The following GSTCD variants were observed in gnomAD, a reference collection of about 807,000 sequenced individuals.
The protein encoded by GSTCD is glutathione S-transferase C-terminal domain-containing protein.
GSTCD carries 44 observed loss-of-function variants against 68.3 expected under a neutral mutation model. The ratio of observed to expected loss-of-function variants is 0.64; its 90% CI spans 0.51 to 0.83. The LOEUF (loss-of-function observed/expected upper bound fraction) is 0.83. GSTCD is among the 40% of genes least tolerant of loss of function. The pLI is 0.00. For synonymous variants in GSTCD, 273 were observed against 255.2 expected (o/e 1.07, Z -0.67); for missense variants, 739 against 735.9 (o/e 1.00, Z -0.05).
At chr4:105,796,147 A>G (rs1735876701) in intron 5 of GSTCD, among the ~76,000 whole-genome samples, 1 of 152,230 alleles carries the variant, frequency 6.6e-6, no homozygotes, top group African/African-American at 2.4e-5. Context: ...GCCTCACAAT[A>G]ATGACGAAAG....
intron 5 of GSTCD, among the ~76,000 whole-genome samples, chr4:105,775,713 C>A (rs948833392): frequency 3.3e-5 from 5 of 152,190 alleles, no homozygotes; most frequent in Non-Finnish European, 5.9e-5. Flanking sequence ...CTGTTCCTTC[C>A]TCTGGAAGCT....
At chr4:105,733,325 G>T (rs527822802) in intron 5 of GSTCD, among the ~76,000 whole-genome samples, 1 of 152,292 alleles carries the variant, frequency 6.6e-6, no homozygotes, top group Non-Finnish European at 1.5e-5. Flanking sequence ...GGGAGTCTAA[G>T]TCTCTTTGTA....
chr4:105,722,710 A>G (rs1310031373), intron 3 of GSTCD, among the ~76,000 whole-genome samples: 1 of 151,394 alleles, frequency 6.6e-6, no homozygotes, highest in Non-Finnish European at 1.5e-5. Context: ...AGTTACTAAA[A>G]TTTTATTTTT....
chr4:105,746,230 G>A (rs1225031396), intron 5 of GSTCD: 1 of 152,126 alleles, frequency 6.6e-6, no homozygotes, highest in African/African-American at 2.4e-5. Flanking sequence ...TTGAGAAAAG[G>A]TGATAAAAAT....
chr4:105,751,440 T>A (rs1734006988), intron 5 of GSTCD, among the ~76,000 whole-genome samples: 1 of 152,170 alleles, frequency 6.6e-6, no homozygotes, highest in African/African-American at 2.4e-5. Context: ...GAATATATTT[T>A]CTTTGTAATT....
At chr4:105,760,887 G>A in intron 5 of GSTCD, 1 of 238,896 alleles carries the variant, frequency 4.2e-6, no homozygotes, top group Non-Finnish European at 8.1e-6. Context: ...TTAAGTGGGA[G>A]GTGTTATGGG....
intron 5 of GSTCD, among the ~76,000 whole-genome samples, chr4:105,781,673 T>C (rs1245097349): frequency 6.6e-6 from 1 of 152,066 alleles, no homozygotes. Context: ...CATCTATTGC[T>C]AAGGGAAGGA....
intron 5 of GSTCD, among the ~76,000 whole-genome samples, chr4:105,745,534 A>T (rs1733771468): frequency 6.6e-6 from 1 of 152,208 alleles, no homozygotes; most frequent in African/African-American, 2.4e-5. Flanking sequence ...TTTGAGCCTG[A>T]GGACTCCTTT....
chr4:105,727,413 A>C (rs1206855510), intron 4 of GSTCD, among the ~76,000 whole-genome samples: 1 of 151,880 alleles, frequency 6.6e-6, no homozygotes, highest in Non-Finnish European at 1.5e-5. Context: ...GGTCCCAGCT[A>C]TTCAGGAGGC....
intron 5 of GSTCD, among the ~76,000 whole-genome samples, chr4:105,803,863 CAAAAG>C (rs772432123): frequency 8.6e-5 from 13 of 151,876 alleles, no homozygotes; most frequent in Admixed American, 1.3e-4. Context: ...TGGTAAAACT[CAAAAG>C]AAAACCAACA....
At chr4:105,810,288 G>T (rs1476023041) in intron 5 of GSTCD, among the ~76,000 whole-genome samples, 3 of 151,772 alleles carry the variant, frequency 2.0e-5, no homozygotes, top group African/African-American at 7.3e-5. Flanking sequence ...TATATATGTG[G>T]GATTTAAATA....
intron 5 of GSTCD, among the ~76,000 whole-genome samples, chr4:105,805,109 T>G (rs974980023): frequency 1.3e-5 from 2 of 152,102 alleles, no homozygotes; most frequent in Non-Finnish European, 2.9e-5. Flanking sequence ...TTATAAAATA[T>G]TTATTGTAAA....
intron 11 of GSTCD, chr4:105,843,677 A>C (rs1724442583): frequency 6.6e-6 from 1 of 152,146 alleles, no homozygotes; most frequent in Admixed American, 6.5e-5. Context: ...GTATTAATTC[A>C]TTCACTCCAC....
intron 5 of GSTCD, among the ~76,000 whole-genome samples, chr4:105,767,599 A>C (rs1190728791): frequency 6.6e-6 from 1 of 152,136 alleles, no homozygotes; most frequent in Non-Finnish European, 1.5e-5. Context: ...ACATTTTTGC[A>C]TATTCTTCTA....
intron 5 of GSTCD, among the ~76,000 whole-genome samples, chr4:105,781,520 G>A (rs1206611088): frequency 1.3e-5 from 2 of 151,684 alleles, no homozygotes; most frequent in Non-Finnish European, 2.9e-5. Context: ...GCCTCGCAAA[G>A]TGCCCAATTA....
intron 11 of GSTCD, 67 bp from the exon 12 acceptor site, chr4:105,845,374 C>G (rs571655457): frequency 1.9e-6 from 3 of 1,594,806 alleles, no homozygotes; most frequent in Middle Eastern, 1.7e-4. Context: ...TATAGATTCC[C>G]TTAAACAAAC....
intron 7 of GSTCD, among the ~76,000 whole-genome samples, chr4:105,823,896 A>G (rs1006613760): frequency 6.6e-6 from 1 of 152,126 alleles, no homozygotes; most frequent in African/African-American, 2.4e-5. Context: ...TATTTCGGAG[A>G]CTACCAAATA....
At chr4:105,730,292 GT>G (rs1375943299) in intron 5 of GSTCD, among the ~76,000 whole-genome samples, 2 of 152,182 alleles carry the variant, frequency 1.3e-5, no homozygotes, top group African/African-American at 4.8e-5. Flanking sequence ...GGTATTTCTA[GT>G]TCTAGCTCCT....
chr4:105,765,710 G>C (rs189897027), intron 5 of GSTCD, among the ~76,000 whole-genome samples: 6 of 152,142 alleles, frequency 3.9e-5, no homozygotes, highest in African/African-American at 1.4e-4. Context: ...CACATGTTGC[G>C]GGAGGGACCT....
Sources: gnomAD v4.1 joint callset for allele counts (sites outside exome capture counted in the v4.1 genomes callset) on GRCh38, gnomAD v4.1.1 for gene constraint, MANE v1.5 for transcripts, NCBI Gene and HGNC (gene_info 2026-07-23, HGNC 2026-07-21) for gene names.